KIAA0825: variants seen among roughly 807,000 people sequenced by gnomAD.
KIAA0825 encodes uncharacterized protein KIAA0825.
Under a neutral mutation model 147.6 loss-of-function variants are expected in KIAA0825, and 119 were observed. That is an observed-to-expected ratio of 0.81 (90% CI 0.69 to 0.94). The LOEUF (loss-of-function observed/expected upper bound fraction) is 0.94, where lower values mean the gene tolerates loss of function less well. Among genes scored for constraint, KIAA0825 ranks in the 40% least tolerant of loss-of-function variants. KIAA0825 has a pLI of 0.00. For missense variants in KIAA0825, 1,381 were observed against 1,472.7 expected (o/e 0.94, Z 1.02); for synonymous variants, 470 against 518.1 (o/e 0.91, Z 1.26).
chr5:94,173,145 G>C lies in KIAA0825; in HGVS notation c.3711-19021C>G, dbSNP rs145273853. Reference sequence around the variant, plus strand: ...GACACTTCTATATCATGCTCTTTCTGTTACCAGGGCAAATACCATAGGAAA... The same window carrying C: ...GACACTTCTATATCATGCTCTTTCTCTTACCAGGGCAAATACCATAGGAAA... On this transcript the variant is annotated intron_variant, in intron 20 of 20. Transcript: ENST00000682413. 1.4e-3 allele frequency among the ~76,000 whole-genome samples: 217 copies of C among 150,040 alleles called. 1 individual carries two copies. Among genetic ancestry groups the C allele is most frequent in the African/African-American group, 5.2e-3 (204 of 39,508 alleles).
chr5:94,224,143 G>C (rs1773947951), intron 20 of KIAA0825, among the ~76,000 whole-genome samples: 1 of 115,416 alleles, frequency 8.7e-6, no homozygotes, highest in South Asian at 3.0e-4. Context: ...ACCCAGGCTA[G>C]AGTGCAGTGG....
At position 94,391,590 on chromosome 5, in the gene KIAA0825, T is replaced by C; in HGVS notation, c.3401A>G (p.Lys1134Arg). 1.3e-6 allele frequency: 2 copies of C among 1,551,518 alleles called. No homozygotes were observed. The highest frequency in any genetic ancestry group is 1.7e-6 in the Non-Finnish European group (2 of 1,146,858). Residue 1134 changes from lysine to arginine, a missense_variant, in exon 18 of 21, where the codon AAA becomes AGA. Coordinates refer to ENST00000682413, the MANE Select transcript of KIAA0825 (RefSeq NM_001145678.3). ...INTMVLDLCHKPGGREYLRQI... is the reference protein window; with the variant it reads ...INTMVLDLCHRPGGREYLRQI... ...CCTCAGGTACTCCCTGCCACCTGGTTTGTGGCAGAGATCCAGGACCATCGT... is the reference window on the plus strand; with the variant it reads ...CCTCAGGTACTCCCTGCCACCTGGTCTGTGGCAGAGATCCAGGACCATCGT...
chr5:94,528,813 G>C (rs1195645221), intron 3 of KIAA0825, among the ~76,000 whole-genome samples: 1 of 151,238 alleles, frequency 6.6e-6, no homozygotes, highest in Non-Finnish European at 1.5e-5. Context: ...ATCTATAAAG[G>C]CTTGCCCAGG....
At chr5:94,589,213 ATGGGTTC>A (rs1445263153) in intron 1 of KIAA0825, among the ~76,000 whole-genome samples, 7 of 152,130 alleles carry the variant, frequency 4.6e-5, no homozygotes, top group Admixed American at 4.6e-4. Flanking sequence ...CTTGTTAAAC[ATGGGTTC>A]TGATTAAGTT....
At chr5:94,328,787 A>G (rs529150079) in intron 20 of KIAA0825, among the ~76,000 whole-genome samples, 17 of 152,180 alleles carry the variant, frequency 1.1e-4, no homozygotes, top group Non-Finnish European at 1.9e-4. Context: ...TTCCTTTGCA[A>G]TAATTACAAG....
intron 20 of KIAA0825, among the ~76,000 whole-genome samples, chr5:94,292,662 A>G (rs1440415317): frequency 6.6e-6 from 1 of 151,992 alleles, no homozygotes; most frequent in Non-Finnish European, 1.5e-5. Context: ...CTCTTTTTCT[A>G]TATTTTGGCA....
intron 20 of KIAA0825, among the ~76,000 whole-genome samples, chr5:94,205,268 CATATATATATAT>C (rs5869623): frequency 8.9e-5 from 8 of 90,294 alleles, no homozygotes; most frequent in East Asian, 2.9e-4. Flanking sequence ...ACTATTTAAT[CATATATATATAT>C]ATATATATAT....
intron 20 of KIAA0825, among the ~76,000 whole-genome samples, chr5:94,236,086 T>C (rs1464322935): frequency 1.3e-5 from 2 of 152,196 alleles, no homozygotes; most frequent in Non-Finnish European, 2.9e-5. Flanking sequence ...TTTCAACTTT[T>C]AAGTCTCATT....
At chr5:94,298,242 C>T (rs962327570) in intron 20 of KIAA0825, among the ~76,000 whole-genome samples, 11 of 151,064 alleles carry the variant, frequency 7.3e-5, no homozygotes, top group Admixed American at 2.0e-4. Flanking sequence ...TGCAAGACTC[C>T]GTCCCAAAAA....
intron 20 of KIAA0825, among the ~76,000 whole-genome samples, chr5:94,235,683 C>A (rs547818733): frequency 1.3e-5 from 2 of 152,284 alleles, no homozygotes; most frequent in South Asian, 4.1e-4. Context: ...GAGGTGAGGT[C>A]AATGTCTTGC....
intron 1 of KIAA0825, among the ~76,000 whole-genome samples, chr5:94,611,441 T>C (rs17083818): frequency 0.33 from 50,564 of 151,764 alleles, 8,915 homozygotes; most frequent in African/African-American, 0.39. Flanking sequence ...ACCAAATTGA[T>C]GGCTTATAAC....
rs539735268 is a variant in KIAA0825, at chr5:94,402,999, C to G, written c.2887+570G>C. 1.1e-4 allele frequency among the ~76,000 whole-genome samples: 16 copies of G among 152,060 alleles called. No individual in the cohort carries two copies. In the South Asian group the frequency reaches 3.3e-3, roughly 32 times the overall value. ...AGGTAACTGATAGTTCTTAAGTACA[C>G]TTGGTGGATGCGCTGTTCTGAATAG... is the stretch of plus-strand genomic sequence containing the variant. On this transcript the variant is annotated intron_variant, in intron 16 of 20. Transcript: ENST00000682413.
At chr5:94,303,963 A>G (rs1778561460) in intron 20 of KIAA0825, among the ~76,000 whole-genome samples, 1 of 152,070 alleles carries the variant, frequency 6.6e-6, no homozygotes, top group Admixed American at 6.6e-5. Flanking sequence ...TCATTTTTTG[A>G]ATGATAATCA....
intron 20 of KIAA0825, among the ~76,000 whole-genome samples, chr5:94,193,952 G>T (rs1770900081): frequency 6.6e-6 from 1 of 152,140 alleles, no homozygotes; most frequent in African/African-American, 2.4e-5. Context: ...GCACCCAAAA[G>T]CATATTATTT....
intron 14 of KIAA0825, among the ~76,000 whole-genome samples, chr5:94,418,124 T>C (rs141534113): frequency 1.3e-5 from 2 of 152,312 alleles, no homozygotes; most frequent in Non-Finnish European, 2.9e-5. Flanking sequence ...AACATATTTG[T>C]TGGGTTAAAG....
At chr5:94,411,516 C>A (rs1021042991) in intron 15 of KIAA0825, among the ~76,000 whole-genome samples, 2 of 152,164 alleles carry the variant, frequency 1.3e-5, no homozygotes, top group African/African-American at 4.8e-5. Flanking sequence ...CAACATTTAT[C>A]TCACTATACA....
chr5:94,537,585 T>C (rs1465336881), intron 2 of KIAA0825, among the ~76,000 whole-genome samples: 1 of 150,262 alleles, frequency 6.7e-6, no homozygotes, highest in Non-Finnish European at 1.5e-5. Context: ...CAGATGGAGC[T>C]TGCAGTGAGC....
rs372191219 is a variant in KIAA0825, at chr5:94,556,810, C to A, written c.-1-19683G>T. 5.9e-5 allele frequency among the ~76,000 whole-genome samples: 9 copies of A among 152,306 alleles called. No individual in the cohort carries two copies. The South Asian group carries it at 1.9e-3, about 32-fold the overall frequency. On this transcript the variant is annotated intron_variant, in intron 2 of 20. Transcript: ENST00000682413. ...TATCCCAGCTTCTCAAAATAGCAGT[C>A]TACATTTCCTGTGTTCTCACCTCTC...
chr5:94,486,506 T>C (rs2151054082), intron 5 of KIAA0825, among the ~76,000 whole-genome samples: 1 of 152,212 alleles, frequency 6.6e-6, no homozygotes, highest in Non-Finnish European at 1.5e-5. Flanking sequence ...TCTACCAACT[T>C]AGACTGTAAA....
Sources: gnomAD v4.1 joint callset for allele counts (sites outside exome capture counted in the v4.1 genomes callset) on GRCh38, gnomAD v4.1.1 for gene constraint, MANE v1.5 for transcripts, NCBI Gene and HGNC (gene_info 2026-07-23, HGNC 2026-07-21) for gene names.